Variants in P4HTM observed in about 807,000 individuals in gnomAD.
P4HTM encodes the protein transmembrane prolyl 4-hydroxylase.
In P4HTM, 33 loss-of-function variants were observed where a neutral mutation model predicts 55.3. The observed-to-expected ratio is 0.60, with a 90% confidence interval of 0.45 to 0.80. The LOEUF is 0.80. P4HTM is among the 30% of genes least tolerant of loss of function. The pLI is 0.00. For synonymous variants in P4HTM, 272 were observed against 286.4 expected, an observed-to-expected ratio of 0.95 and a Z score of 0.51; for missense variants, 542 against 696.5, an observed-to-expected ratio of 0.78 and a Z score of 2.50.
chr3:49,005,188 C>G (rs753163232), intron 6 of P4HTM, 142 bp downstream of exon 6: 3 of 1,586,914 alleles, frequency 1.9e-6, no homozygotes, highest in African/African-American at 1.3e-5. Context: ...ATGCCCTCAC[C>G]TCTCCCCACA....
Position 48,990,740 on chromosome 3 carries a change from C to A in P4HTM, c.355-93C>A. ...TCGGTCCCGCGCGCTCCCACTCACTCGCCTGCTGTCGCTCTCCGGGCCGGG... is the reference window on the plus strand; with the variant it reads ...TCGGTCCCGCGCGCTCCCACTCACTAGCCTGCTGTCGCTCTCCGGGCCGGG... On this transcript the variant is annotated intron_variant, in intron 1 of 8. Coordinates refer to ENST00000383729, the MANE Select transcript of P4HTM (RefSeq NM_177939.3). The surrounding 1 kb of genome is among the most constrained non-coding windows in gnomAD (Gnocchi z 7.2). 2.0e-6 allele frequency: 3 copies of A among 1,497,780 alleles called. No homozygotes were observed. The highest frequency in any genetic ancestry group is 1.8e-6 in the Non-Finnish European group (2 of 1,099,566). 92.8% of individuals were successfully genotyped at this position (1,497,780 alleles called of 1,614,324 possible). A position where few individuals can be genotyped will look rare whatever the true frequency, so the allele number is the denominator to read the frequency against.
chr3:49,005,115 C>CCTGCA, intron 6 of P4HTM, 69 bp downstream of exon 6: 1 of 1,613,280 alleles, frequency 6.2e-7, no homozygotes, highest in South Asian at 1.1e-5. Flanking sequence ...CAGGCACAGC[C>CCTGCA]CTGCACTGTG....
intron 8 of P4HTM, 90 bp downstream of exon 8, chr3:49,006,277 T>A (rs1211877039): frequency 1.4e-6 from 2 of 1,440,206 alleles, no homozygotes; most frequent in Admixed American, 2.0e-5. Context: ...GGGCTGTTTC[T>A]GGCTGCTTTC....
intron 2 of P4HTM, chr3:49,000,930 C>A: frequency 4.8e-6 from 1 of 207,172 alleles, no homozygotes; most frequent in Admixed American, 5.3e-5. Flanking sequence ...GTCAGATGGC[C>A]AGCACCCATC....
intron 6 of P4HTM, chr3:49,005,343 C>T (rs1189561639): frequency 2.1e-6 from 3 of 1,424,638 alleles, no homozygotes; most frequent in African/African-American, 2.9e-5. Flanking sequence ...GCTTGTCCTG[C>T]CCATTCCTCC....
chr3:49,005,123 G>A (rs771880594), intron 6 of P4HTM, 77 bp downstream of exon 6: 1 of 1,612,820 alleles, frequency 6.2e-7, no homozygotes, highest in Admixed American at 1.7e-5. Context: ...GCCCTGCACT[G>A]TGGGCGTGCC....
At chr3:48,991,287 A>G (rs963321802) in intron 2 of P4HTM, 4 of 203,564 alleles carry the variant, frequency 2.0e-5, no homozygotes, top group Non-Finnish European at 3.0e-5. Flanking sequence ...CCCACTGCCG[A>G]AGTGGGCCTT....
chr3:49,007,058 GTTAT>G lies in P4HTM; in HGVS notation c.*157_*160del. 1 of 703,544 alleles carries G rather than the reference GTTAT, an allele frequency of 1.4e-6. No homozygotes were observed. The highest frequency in any genetic ancestry group is 1.8e-5 in the South Asian group (1 of 54,962). 43.6% of individuals were successfully genotyped at this position (703,544 alleles called of 1,614,324 possible). A position where few individuals can be genotyped will look rare whatever the true frequency, so the allele number is the denominator to read the frequency against. ...GATACGGCGCAGTTCCTATATTCAT[GTTAT>G]TTATTGTGTACTGACTCCATCTGCC... is the stretch of plus-strand genomic sequence containing the variant. On this transcript the variant is annotated 3_prime_UTR_variant, in exon 9 of 9. Coordinates refer to ENST00000383729, the MANE Select transcript of P4HTM (RefSeq NM_177939.3). This position sits in a 1 kb window ranked among gnomAD's most constrained non-coding sequence, Gnocchi z 5.1.
At chr3:48,993,511 T>C (rs1240957867) in intron 2 of P4HTM, among the ~76,000 whole-genome samples, 2 of 152,066 alleles carry the variant, frequency 1.3e-5, no homozygotes, top group Admixed American at 1.3e-4. Context: ...TTCATATTGA[T>C]GTTAGGTTAA....
chr3:48,997,307 A>G (rs1159316443), intron 2 of P4HTM: 1 of 152,274 alleles, frequency 6.6e-6, no homozygotes, highest in African/African-American at 2.4e-5. Context: ...GTGGTTACCA[A>G]CAGCCAGCAG....
At chr3:48,996,846 C>T (rs1432247220) in intron 2 of P4HTM, among the ~76,000 whole-genome samples, 1 of 152,154 alleles carries the variant, frequency 6.6e-6, no homozygotes, top group African/African-American at 2.4e-5. Context: ...ATGTGCCTGC[C>T]CGGAGACTCA....
In P4HTM at chr3:48,990,646, T is replaced by C. The variant is rs1220457661; in HGVS notation, c.354+36T>C. On this transcript the variant is annotated intron_variant, in intron 1 of 8. Transcript: ENST00000383729. The surrounding 1 kb of genome is among the most constrained non-coding windows in gnomAD (Gnocchi z 7.2). The stretch of plus-strand genomic sequence containing the variant: ...CCCTGCCCCGCCGCGCTCCAGGCCC[T>C]GCACGGCTGAGCCCGAGAGGACCGG... The C allele has an allele frequency of 1.3e-6, 2 of 1,513,148 alleles. No individual in the cohort carries two copies. The highest frequency in any genetic ancestry group is 1.8e-6 in the Non-Finnish European group (2 of 1,129,174). 93.7% of individuals were successfully genotyped at this position (1,513,148 alleles called of 1,614,324 possible). A position where few individuals can be genotyped will look rare whatever the true frequency, so the allele number is the denominator to read the frequency against.
At chr3:48,998,622 A>G (rs780999650) in intron 2 of P4HTM, among the ~76,000 whole-genome samples, 5 of 151,976 alleles carry the variant, frequency 3.3e-5, no homozygotes, top group African/African-American at 7.2e-5. Context: ...GTGGACATCC[A>G]TTGTCTGCAA....
rs1180777295 is a variant in P4HTM, at chr3:49,006,101, G to A, written c.1202G>A (p.Arg401Gln). The A allele has an allele frequency of 1.2e-6, 2 of 1,612,982 alleles. No homozygotes were observed. Among genetic ancestry groups the A allele is most frequent in the Non-Finnish European group, 1.7e-6 (2 of 1,179,926 alleles). ...IQDDVDLRDT[R>Q]RHCDKGNLRV... Reference sequence around the variant, plus strand: ...GATGACGTGGACCTCCGTGACACACGGAGGCACTGTGACAAGGGAAACCTG... The same window carrying A: ...GATGACGTGGACCTCCGTGACACACAGAGGCACTGTGACAAGGGAAACCTG... Residue 401 changes from arginine (R) to glutamine (Q), a missense_variant, in exon 8 of 9, where the codon CGG becomes CAG. Transcript: ENST00000383729.
chr3:49,004,609 C>T (rs140585424), intron 5 of P4HTM: 10 of 576,134 alleles, frequency 1.7e-5, no homozygotes, highest in African/African-American at 7.5e-5. Context: ...CAGGACTCCC[C>T]GCCCCCTTTA....
chr3:48,990,210 G>A, upstream of P4HTM: 1 of 1,137,992 alleles, frequency 8.8e-7, no homozygotes, highest in Non-Finnish European at 1.1e-6. The surrounding 1 kb of genome is among the most constrained non-coding windows in gnomAD (Gnocchi z 7.2). Flanking sequence ...GCGCAGCGCG[G>A]GCACCCCCGC....
chr3:48,991,131 G>T (rs1238807785), intron 2 of P4HTM: 1 of 549,558 alleles, frequency 1.8e-6, no homozygotes, highest in African/African-American at 1.9e-5. Context: ...TCACAGGGCT[G>T]GCAGGGTGAG....
At chr3:49,001,736 T>C in intron 3 of P4HTM, 108 bp downstream of exon 3, 2 of 952,786 alleles carry the variant, frequency 2.1e-6, no homozygotes, top group East Asian at 2.6e-5. Context: ...AGTCAGATAC[T>C]ACCCAGACCT....
Position 49,007,073 on chromosome 3 carries a change from C to A in P4HTM, c.*166C>A. On this transcript the variant is annotated 3_prime_UTR_variant, in exon 9 of 9. Transcript: ENST00000383729. This position sits in a 1 kb window ranked among gnomAD's most constrained non-coding sequence, Gnocchi z 5.1. The stretch of plus-strand genomic sequence containing the variant: ...CTATATTCATGTTATTTATTGTGTA[C>A]TGACTCCATCTGCCCCGTCAAATAA... 1 of 673,046 alleles carries A rather than the reference C, an allele frequency of 1.5e-6. No individual in the cohort carries two copies. Among genetic ancestry groups the A allele is most frequent in the Non-Finnish European group, 2.5e-6 (1 of 402,364 alleles). The allele number at this position is 673,046 out of a possible 1,614,324, so 41.7% of individuals were successfully genotyped here. A position where few individuals can be genotyped will look rare whatever the true frequency, so the allele number is the denominator to read the frequency against.
Sources: allele counts gnomAD v4.1 joint callset (sites outside exome capture counted in the v4.1 genomes callset), GRCh38; gene constraint gnomAD v4.1.1; non-coding constraint Gnocchi (gnomAD v3.1); transcripts MANE v1.5; gene names NCBI Gene and HGNC (gene_info 2026-07-23, HGNC 2026-07-21).